The following CSMD1 variants were observed in gnomAD, a reference collection of about 807,000 sequenced individuals.
The protein encoded by CSMD1 is CUB and sushi domain-containing protein 1.
CSMD1 carries 213 observed loss-of-function variants against 417.5 expected under a neutral mutation model. That is an observed-to-expected ratio of 0.51 (90% CI 0.46 to 0.57). The LOEUF is 0.57. Among genes scored for constraint, CSMD1 ranks in the 20% least tolerant of loss-of-function variants. The probability of loss-of-function intolerance (pLI) is 0.00; values close to 1 mark genes in which losing one functional copy is unlikely to be tolerated. For missense variants in CSMD1, 6,923 were observed against 4,529.7 expected (o/e 1.53, Z -15.17); for synonymous variants, 2,862 against 1,736.8 (o/e 1.65, Z -16.11).
At chr8:3,425,093 G>C (rs1332904832) in intron 12 of CSMD1, among the ~76,000 whole-genome samples, 1 of 152,154 alleles carries the variant, frequency 6.6e-6, no homozygotes, top group Non-Finnish European at 1.5e-5. Context: ...TCCTGTCCCA[G>C]CATCCCAAAG....
chr8:3,968,815 G>A (rs1668063060), intron 5 of CSMD1, among the ~76,000 whole-genome samples: 1 of 152,158 alleles, frequency 6.6e-6, no homozygotes, highest in Non-Finnish European at 1.5e-5. Context: ...AGAAAACACT[G>A]ATCCAGTATA....
chr8:3,045,948 C>G (rs1328372581), intron 50 of CSMD1, among the ~76,000 whole-genome samples: 5 of 152,102 alleles, frequency 3.3e-5, no homozygotes. Context: ...TAGTTTTAAG[C>G]TAGTAATTAC....
chr8:2,986,701 T>C (rs1249528485), intron 54 of CSMD1, among the ~76,000 whole-genome samples: 1 of 152,064 alleles, frequency 6.6e-6, no homozygotes, highest in East Asian at 1.9e-4. Context: ...AGACGGGTTT[T>C]CACTCTGTTA....
At chr8:3,672,177 G>C (rs1040207009) in intron 7 of CSMD1, among the ~76,000 whole-genome samples, 3 of 152,066 alleles carry the variant, frequency 2.0e-5, no homozygotes, top group African/African-American at 7.2e-5. Flanking sequence ...TATGGTCAGG[G>C]ATCTTATAAG....
At chr8:4,826,177 G>A (rs745957416) in intron 1 of CSMD1, among the ~76,000 whole-genome samples, 3 of 152,032 alleles carry the variant, frequency 2.0e-5, no homozygotes, top group Non-Finnish European at 4.4e-5. Context: ...GTAGAGACAT[G>A]AGTACCCCAG....
In CSMD1 at chr8:4,867,977, G is replaced by A. The variant is rs914717798; in HGVS notation, c.85+126355C>T. On this transcript the variant is annotated intron_variant, in intron 1 of 69. Coordinates refer to ENST00000635120, the MANE Select transcript of CSMD1 (RefSeq NM_033225.6). ...AAGTGCCTTAGATATTTACACGTTT[G>A]TACATCCTTTAAATTCAGTTCACAA... 4.9e-5 allele frequency among the ~76,000 whole-genome samples: 7 copies of A among 142,178 alleles called. No individual in the cohort carries two copies. The Admixed American group carries it at 5.0e-4, about 10-fold the overall frequency. The allele number at this position is 142,178 out of a possible 152,430, so 93.3% of individuals were successfully genotyped here.
At chr8:3,832,291 T>G (rs1802422882) in intron 5 of CSMD1, among the ~76,000 whole-genome samples, 1 of 152,176 alleles carries the variant, frequency 6.6e-6, no homozygotes, top group Non-Finnish European at 1.5e-5. Context: ...CGGGATTATT[T>G]TAATCTTTAC....
At chr8:3,179,455 T>C (rs1821171423) in intron 37 of CSMD1, among the ~76,000 whole-genome samples, 2 of 152,218 alleles carry the variant, frequency 1.3e-5, no homozygotes. Flanking sequence ...TCAAAGTTCA[T>C]CTGAATGAGA....
chr8:4,148,343 A>C (rs1204403156), intron 3 of CSMD1, among the ~76,000 whole-genome samples: 1 of 124,454 alleles, frequency 8.0e-6, no homozygotes, highest in Non-Finnish European at 1.6e-5. Flanking sequence ...AGAGGAAGGG[A>C]AACATCACAC....
intron 3 of CSMD1, among the ~76,000 whole-genome samples, chr8:4,343,077 T>G (rs978964675): frequency 9.9e-5 from 15 of 152,074 alleles, no homozygotes; most frequent in African/African-American, 3.4e-4. Flanking sequence ...CAACATCACA[T>G]GGTATCTCAG....
chr8:4,879,276 T>C (rs924343808), intron 1 of CSMD1, among the ~76,000 whole-genome samples: 16 of 151,864 alleles, frequency 1.1e-4, no homozygotes, highest in Admixed American at 8.5e-4. Flanking sequence ...ATAGGGGAGA[T>C]AGTTTCAATT....
At chr8:4,077,195 C>A (rs1375807174) in intron 3 of CSMD1, among the ~76,000 whole-genome samples, 1 of 150,746 alleles carries the variant, frequency 6.6e-6, no homozygotes, top group African/African-American at 2.4e-5. Flanking sequence ...AGAGAGAAGT[C>A]TCTAAATCCA....
At chr8:3,031,523 G>T (rs1262049335) in intron 50 of CSMD1, among the ~76,000 whole-genome samples, 1 of 151,984 alleles carries the variant, frequency 6.6e-6, no homozygotes, top group African/African-American at 2.4e-5. Context: ...CTTTATTTCT[G>T]CCAAGAATGA....
intron 23 of CSMD1, among the ~76,000 whole-genome samples, chr8:3,316,366 G>A (rs1318614734): frequency 6.6e-6 from 1 of 152,160 alleles, no homozygotes; most frequent in Non-Finnish European, 1.5e-5. Flanking sequence ...TTTGGGGCAT[G>A]GTGGGAAGAG....
At chr8:3,625,906 G>A (rs114872415) in intron 7 of CSMD1, among the ~76,000 whole-genome samples, 3,419 of 152,126 alleles carry the variant, frequency 0.022, 109 homozygotes, top group African/African-American at 0.078. Context: ...GATATATCAC[G>A]GTAGCAGTAA....
At chr8:3,765,368 G>T (rs560062595) in intron 5 of CSMD1, among the ~76,000 whole-genome samples, 1 of 152,160 alleles carries the variant, frequency 6.6e-6, no homozygotes, top group Non-Finnish European at 1.5e-5. Flanking sequence ...TTCTCTCCTT[G>T]TCTTTAATAG....
intron 51 of CSMD1, among the ~76,000 whole-genome samples, chr8:3,022,884 A>T (rs1809555565): frequency 6.6e-6 from 1 of 152,224 alleles, no homozygotes; most frequent in Non-Finnish European, 1.5e-5. Context: ...TAGAGCTACC[A>T]TCAATCACTG....
At position 3,087,147 on chromosome 8, in the gene CSMD1, C is replaced by T. The variant is rs746088122; in HGVS notation, c.7424G>A (p.Arg2475Gln). The change falls in exon 49 of 70, where the codon CGA becomes CAA. Residue 2475 changes from arginine (R) to glutamine (Q), a missense_variant. By Grantham distance (43) the Arg-to-Gln change is conservative (BLOSUM62 1). Coordinates refer to ENST00000635120, the MANE Select transcript of CSMD1 (RefSeq NM_033225.6). ...MVGHSNATCR[R>Q]NPLGMYQWDS... is the part of the protein sequence containing the mutation. ...CCACTGGTACATGCCAAGTGGGTTT[C>T]GTCTACAGGTTGCATTGCTGTGGCC... 11 of 1,613,656 alleles carry T rather than the reference C, an allele frequency of 6.8e-6. No homozygotes were observed. The highest frequency in any genetic ancestry group is 2.7e-5 in the African/African-American group (2 of 74,898).
chr8:3,906,267 C>G (rs1033494623), intron 5 of CSMD1, among the ~76,000 whole-genome samples: 1 of 148,480 alleles, frequency 6.7e-6, no homozygotes, highest in Non-Finnish European at 1.5e-5. Flanking sequence ...ATGTGTGCTG[C>G]TTCAAATAAA....
Sources: gnomAD v4.1 joint callset for allele counts (sites outside exome capture counted in the v4.1 genomes callset) on GRCh38, gnomAD v4.1.1 for gene constraint, MANE v1.5 for transcripts, NCBI Gene and HGNC (gene_info 2026-07-23, HGNC 2026-07-21) for gene names.